Variants in ANO3 observed in about 807,000 individuals in gnomAD.
ANO3 encodes anoctamin-3.
Under a neutral mutation model 144.8 loss-of-function variants are expected in ANO3, and 99 were observed. The observed-to-expected ratio is 0.68, with a 90% confidence interval of 0.58 to 0.81. The LOEUF is 0.81. ANO3 is among the 30% of genes least tolerant of loss of function. The pLI, the probability that ANO3 is intolerant of heterozygous loss-of-function variation, is 0.00. For missense variants in ANO3, 905 were observed against 1,202.2 expected, an observed-to-expected ratio of 0.75 and a Z score of 3.66; for synonymous variants, 414 against 392.6, an observed-to-expected ratio of 1.05 and a Z score of -0.64.
intron 1 of ANO3, among the ~76,000 whole-genome samples, chr11:26,384,743 C>T (rs1232912785): frequency 6.6e-6 from 1 of 152,234 alleles, no homozygotes; most frequent in Non-Finnish European, 1.5e-5. Flanking sequence ...TTCTCACTGG[C>T]CTTTGTGCTT....
At chr11:26,470,415 C>CAAA (rs762277202) in intron 4 of ANO3, among the ~76,000 whole-genome samples, 5 of 106,454 alleles carry the variant, frequency 4.7e-5, no homozygotes, top group African/African-American at 1.7e-4. Flanking sequence ...GAGACCCTCT[C>CAAA]AAAAAAAAAA....
intron 4 of ANO3, among the ~76,000 whole-genome samples, chr11:26,464,386 G>T (rs926987719): frequency 4.0e-5 from 6 of 151,842 alleles, no homozygotes; most frequent in African/African-American, 1.4e-4. Flanking sequence ...CAAATGAACT[G>T]AGAGGAGGAG....
At position 26,643,173 on chromosome 11, in the gene ANO3, C is replaced by T; in HGVS notation, c.2276-9C>T. On this transcript the variant is annotated splice_polypyrimidine_tract_variant and intron_variant, in intron 22 of 26. Transcript: ENST00000256737. ...TATATAGTAATTTCCTAATGCTCTTCTTTTGCAGTTTTGCAATTTGGTTTT... is the reference window on the plus strand; with the variant it reads ...TATATAGTAATTTCCTAATGCTCTTTTTTTGCAGTTTTGCAATTTGGTTTT... 1 of 1,613,502 alleles carries T rather than the reference C, an allele frequency of 6.2e-7. No homozygotes were observed. The highest frequency in any genetic ancestry group is 1.1e-5 in the South Asian group (1 of 90,902).
intron 1 of ANO3, among the ~76,000 whole-genome samples, chr11:26,434,046 G>A (rs1018216510): frequency 6.6e-6 from 1 of 152,014 alleles, no homozygotes. Flanking sequence ...TTGGTTGTTA[G>A]GTGATTATTG....
intron 1 of ANO3, among the ~76,000 whole-genome samples, chr11:26,299,022 A>G (rs562300799): frequency 3.2e-4 from 49 of 152,318 alleles, no homozygotes; most frequent in South Asian, 1.7e-3. Context: ...TCTGGACTGG[A>G]GATGTACGTT....
At position 26,634,427 on chromosome 11, in the gene ANO3, G is replaced by T. The variant is rs559826433; in HGVS notation, c.1985+112G>T. ...TTTCTGACAGCCACCAGCAGCTAAA[G>T]TTGGCACAAAAAAATAAAACCTATT... is the stretch of plus-strand genomic sequence containing the variant. On this transcript the variant is annotated intron_variant, in intron 19 of 26. Coordinates refer to ENST00000256737, the MANE Select transcript of ANO3 (RefSeq NM_031418.4). 1.4e-5 allele frequency: 9 copies of T among 663,900 alleles called. No homozygotes were observed. The East Asian group carries it at 2.0e-4, about 15-fold the overall frequency. The allele number at this position is 663,900 out of a possible 1,614,324, so 41.1% of individuals were successfully genotyped here. A position where few individuals can be genotyped will look rare whatever the true frequency, so the allele number is the denominator to read the frequency against.
chr11:26,441,122 T>TTGTTTG (rs1858499877), intron 1 of ANO3, among the ~76,000 whole-genome samples: 3 of 123,974 alleles, frequency 2.4e-5, no homozygotes, highest in African/African-American at 9.7e-5. Context: ...TTTTTTTTTT[T>TTGTTTG]TTTTTTTTTT....
intron 14 of ANO3, chr11:26,567,014 G>A: frequency 2.1e-6 from 3 of 1,427,000 alleles, no homozygotes; most frequent in South Asian, 1.6e-5. Context: ...TGTCTTTTTG[G>A]TTACAAAGTT....
chr11:26,638,507 C>T (rs1026301404), intron 20 of ANO3, among the ~76,000 whole-genome samples: 3 of 152,162 alleles, frequency 2.0e-5, no homozygotes, highest in Non-Finnish European at 2.9e-5. Context: ...CCAGAGGAGA[C>T]TGGGGAGATA....
At chr11:26,284,040 G>A (rs1034274457) in intron 1 of ANO3, among the ~76,000 whole-genome samples, 13 of 152,152 alleles carry the variant, frequency 8.5e-5, no homozygotes, top group Non-Finnish European at 1.9e-4. Context: ...GTAGGTGGGT[G>A]GTATGGCGGG....
At chr11:26,528,088 A>C (rs1849211035) in intron 7 of ANO3, among the ~76,000 whole-genome samples, 1 of 152,188 alleles carries the variant, frequency 6.6e-6, no homozygotes, top group Non-Finnish European at 1.5e-5. Flanking sequence ...CAAGACGTCC[A>C]ACACAATAAA....
intron 1 of ANO3, among the ~76,000 whole-genome samples, chr11:26,388,370 A>T (rs1461377): frequency 0.27 from 40,361 of 151,914 alleles, 6,018 homozygotes; most frequent in African/African-American, 0.4. Context: ...GATAACAAAA[A>T]TGTTGTGTAT....
At chr11:26,452,838 G>T (rs1415435651) in intron 3 of ANO3, among the ~76,000 whole-genome samples, 7 of 152,284 alleles carry the variant, frequency 4.6e-5, no homozygotes, top group African/African-American at 7.2e-5. Context: ...AGAAAGGATG[G>T]GTTACCTACA....
rs182790344 is a variant in ANO3, at chr11:26,279,736, C to A, written c.155-29909C>A. Among the ~76,000 whole-genome samples, 5 of 152,222 alleles carry A rather than the reference C, an allele frequency of 3.3e-5. No homozygotes were observed. In the East Asian group the frequency reaches 7.7e-4, roughly 24 times the overall value. ...TAAATAGTGACAACTGGGAGTGAGG[C>A]TTTAAAGGGGCCCCAATCTCATTCT... On this transcript the variant is annotated intron_variant, in intron 1 of 27. Transcript: ENST00000672621.
chr11:26,409,362 G>A (rs1460678793), intron 1 of ANO3, among the ~76,000 whole-genome samples: 3 of 151,872 alleles, frequency 2.0e-5, no homozygotes, highest in Non-Finnish European at 4.4e-5. Context: ...GTATGTTCAT[G>A]TTTTTGTACA....
chr11:26,411,936 T>G (rs1213597344), intron 1 of ANO3, among the ~76,000 whole-genome samples: 1 of 151,956 alleles, frequency 6.6e-6, no homozygotes, highest in East Asian at 1.9e-4. Context: ...GCCAGTAAAG[T>G]GGGCACCTCC....
intron 4 of ANO3, among the ~76,000 whole-genome samples, chr11:26,468,532 G>C (rs1476423164): frequency 6.6e-6 from 1 of 151,928 alleles, no homozygotes; most frequent in Non-Finnish European, 1.5e-5. Flanking sequence ...ATGAGTATTA[G>C]AAATAATTTT....
intron 1 of ANO3, among the ~76,000 whole-genome samples, chr11:26,410,775 G>A (rs1474208354): frequency 6.6e-6 from 1 of 151,978 alleles, no homozygotes; most frequent in African/African-American, 2.4e-5. Context: ...TCTGAATGTA[G>A]AATAGGCTAC....
chr11:26,538,281 A>T (rs926504088), intron 10 of ANO3, among the ~76,000 whole-genome samples: 2 of 152,220 alleles, frequency 1.3e-5, no homozygotes, highest in African/African-American at 2.4e-5. Flanking sequence ...AGGTACAGAA[A>T]GGTTAGATAT....
Sources: allele counts gnomAD v4.1 joint callset (sites outside exome capture counted in the v4.1 genomes callset), GRCh38; gene constraint gnomAD v4.1.1; transcripts MANE v1.5; gene names NCBI Gene and HGNC (gene_info 2026-07-23, HGNC 2026-07-21).